Variants in NAA15 observed in about 807,000 individuals in gnomAD.
The protein encoded by NAA15 is N-alpha-acetyltransferase 15, NatA auxiliary subunit, also known as N-terminal acetyltransferase.
Under a neutral mutation model 114.0 loss-of-function variants are expected in NAA15, and 34 were observed. The ratio of observed to expected loss-of-function variants is 0.30; its 90% CI spans 0.23 to 0.40. The LOEUF is 0.40. Ranked by LOEUF, NAA15 falls within the 10% of genes least tolerant of loss-of-function variation. The probability of loss-of-function intolerance (pLI) is 1.00; values close to 1 mark genes in which losing one functional copy is unlikely to be tolerated. For missense variants in NAA15, 658 were observed against 1,004.5 expected (o/e 0.66, Z 4.66); for synonymous variants, 340 against 338.0 (o/e 1.01, Z -0.06).
chr4:139,332,375 C>T (rs566814025), intron 1 of NAA15, among the ~76,000 whole-genome samples: 6 of 151,806 alleles, frequency 4.0e-5, no homozygotes, highest in South Asian at 2.1e-4. Flanking sequence ...GTGATCTGCC[C>T]GCCTCGGCCT....
chr4:139,349,688 C>T (rs1203167851), intron 7 of NAA15, 107 bp downstream of exon 7: 14 of 1,210,588 alleles, frequency 1.2e-5, no homozygotes, highest in South Asian at 6.0e-5. Context: ...AGAATTGGTT[C>T]GAAATCTGAA....
At chr4:139,378,467 G>A (rs1439422152) in intron 16 of NAA15, among the ~76,000 whole-genome samples, 1 of 152,176 alleles carries the variant, frequency 6.6e-6, no homozygotes, top group Non-Finnish European at 1.5e-5. Flanking sequence ...AATAAAGGAA[G>A]TTAGGAAATG....
At chr4:139,312,397 A>G (rs992615603) in intron 1 of NAA15, among the ~76,000 whole-genome samples, 2 of 151,952 alleles carry the variant, frequency 1.3e-5, no homozygotes, top group East Asian at 3.9e-4. Flanking sequence ...TTTATGATAC[A>G]TGCTGTACAA....
chr4:139,363,940 G>A (rs1471833421), intron 14 of NAA15, among the ~76,000 whole-genome samples: 3 of 152,210 alleles, frequency 2.0e-5, no homozygotes, highest in Non-Finnish European at 4.4e-5. Flanking sequence ...GAGTCCACTA[G>A]TGCGATCATA....
chr4:139,310,816 A>G (rs1746198674), intron 1 of NAA15, among the ~76,000 whole-genome samples: 1 of 151,526 alleles, frequency 6.6e-6, no homozygotes, highest in Non-Finnish European at 1.5e-5. Flanking sequence ...GCGGGGTTTC[A>G]CCATGTTGGC....
chr4:139,378,158 A>G (rs924470069), intron 16 of NAA15, among the ~76,000 whole-genome samples: 2 of 152,236 alleles, frequency 1.3e-5, no homozygotes, highest in Non-Finnish European at 2.9e-5. Flanking sequence ...GGTTATAGAT[A>G]AAACTTGGAA....
At position 139,301,699 on chromosome 4, in the gene NAA15, C is replaced by G. The variant is rs2110799564; in HGVS notation, c.-79C>G. ...GAGATATTCAAGGCTGAAGCAGCTACGGAACGGCAGCGGCGGCGGTCGGAC... is the reference window on the plus strand; with the variant it reads ...GAGATATTCAAGGCTGAAGCAGCTAGGGAACGGCAGCGGCGGCGGTCGGAC... On this transcript the variant is annotated 5_prime_UTR_variant, in exon 1 of 20. Coordinates refer to ENST00000296543, the MANE Select transcript of NAA15 (RefSeq NM_057175.5). 1 of 1,493,128 alleles carries G rather than the reference C, an allele frequency of 6.7e-7. No individual in the cohort carries two copies. The highest frequency in any genetic ancestry group is 2.0e-5 in the Admixed American group (1 of 49,156). The allele number at this position is 1,493,128 out of a possible 1,614,324, so 92.5% of individuals were successfully genotyped here.
chr4:139,378,742 T>C lies in NAA15; in HGVS notation c.2057-14T>C, dbSNP rs1748659454. The C allele has an allele frequency of 2.0e-6, 3 of 1,507,506 alleles. No homozygotes were observed. Among genetic ancestry groups the C allele is most frequent in the Non-Finnish European group, 2.7e-6 (3 of 1,117,118 alleles). The allele number at this position is 1,507,506 out of a possible 1,614,324, so 93.4% of individuals were successfully genotyped here. ...TCCAATGATCAAAATATATCTTACT[T>C]TCTCTTTTTATAGAAAAGTTTCTTT... is the stretch of plus-strand genomic sequence containing the variant. On this transcript the variant is annotated splice_polypyrimidine_tract_variant and intron_variant, in intron 16 of 19. Coordinates refer to ENST00000296543, the MANE Select transcript of NAA15 (RefSeq NM_057175.5).
At chr4:139,329,036 AT>A (rs1294481724) in intron 1 of NAA15, among the ~76,000 whole-genome samples, 2,455 of 128,884 alleles carry the variant, frequency 0.019, 18 homozygotes, top group East Asian at 0.033. Context: ...TGCCTGGCTA[AT>A]TTTTTTTTTT....
In NAA15 at chr4:139,386,224, C is replaced by G. The variant is rs1748906721; in HGVS notation, c.2394C>G (p.Asn798Lys). ...TTLDESLTNR[N>K]LQTCMEVLEA... is the part of the protein sequence containing the mutation. ...TTGATGAATCTCTCACTAACAGAAA[C>G]CTCCAGGTAAAGAGTTTTTCATAAT... Residue 798 changes from asparagine (N) to lysine (K), a missense_variant, in exon 19 of 20, where the codon AAC becomes AAG. Asn to Lys is a moderately conservative substitution (Grantham distance 94). Transcript: ENST00000296543. 7 of 1,588,156 alleles carry G rather than the reference C, an allele frequency of 4.4e-6. No individual in the cohort carries two copies. The highest frequency in any genetic ancestry group is 5.2e-6 in the Non-Finnish European group (6 of 1,160,352).
Position 139,360,595 on chromosome 4 carries a change from T to G in NAA15, c.1506T>G (p.Gly502=), listed in dbSNP as rs764177132. 3 of 1,609,322 alleles carry G rather than the reference T, an allele frequency of 1.9e-6. No individual in the cohort carries two copies. Among genetic ancestry groups the G allele is most frequent in the African/African-American group, 1.3e-5 (1 of 74,676 alleles). ...AQAYKAMNKF[G]EALKKCHEIE... ...CTTATAAAGCAATGAATAAATTTGGTGAAGCACTTAAGAAATGTCATGAGA... is the reference window on the plus strand; with the variant it reads ...CTTATAAAGCAATGAATAAATTTGGGGAAGCACTTAAGAAATGTCATGAGA... Residue 502 remains glycine (G), a synonymous_variant, in exon 13 of 20, where the codon GGT becomes GGG. Transcript: ENST00000296543.
chr4:139,355,263 T>C (rs1747913375), intron 10 of NAA15, among the ~76,000 whole-genome samples: 1 of 152,246 alleles, frequency 6.6e-6, no homozygotes, highest in Non-Finnish European at 1.5e-5. Context: ...TTTTTGCCTT[T>C]CCTTTTTTGA....
At chr4:139,366,603 GT>G (rs56010406) in intron 14 of NAA15, among the ~76,000 whole-genome samples, 13 of 144,172 alleles carry the variant, frequency 9.0e-5, no homozygotes, top group Admixed American at 2.1e-4. Flanking sequence ...TCATTTTTGG[GT>G]TTTTTTTTTT....
At chr4:139,331,129 G>GT (rs1375924078) in intron 1 of NAA15, among the ~76,000 whole-genome samples, 1 of 151,760 alleles carries the variant, frequency 6.6e-6, no homozygotes, top group East Asian at 1.9e-4. Flanking sequence ...AAATTTTCAT[G>GT]TGAAAGCATA....
rs137983364 is a variant in NAA15, at chr4:139,332,279, C to T, written c.55-1895C>T. 2.6e-3 allele frequency among the ~76,000 whole-genome samples: 390 copies of T among 151,770 alleles called. 2 individuals carry two copies. Among genetic ancestry groups the T allele is most frequent in the African/African-American group, 8.2e-3 (340 of 41,388 alleles). ...CCAAGCAGCTAGGATTACAGGCGCC[C>T]GCCACCATGCCCAGCTAATTTTTGT... On this transcript the variant is annotated intron_variant, in intron 1 of 19. Coordinates refer to ENST00000296543, the MANE Select transcript of NAA15 (RefSeq NM_057175.5).
intron 6 of NAA15, among the ~76,000 whole-genome samples, chr4:139,345,278 A>G (rs1394257924): frequency 2.0e-5 from 3 of 152,316 alleles, no homozygotes; most frequent in African/African-American, 2.4e-5. Context: ...TTTCATTTGA[A>G]GTAGTCATTC....
At chr4:139,349,962 G>A (rs1284336108) in intron 7 of NAA15, among the ~76,000 whole-genome samples, 2 of 151,460 alleles carry the variant, frequency 1.3e-5, no homozygotes, top group Admixed American at 1.3e-4. Flanking sequence ...TTCCACCCTG[G>A]GCAACAGAGC....
At chr4:139,324,841 G>A (rs1396560396) in intron 1 of NAA15, among the ~76,000 whole-genome samples, 1 of 152,134 alleles carries the variant, frequency 6.6e-6, no homozygotes, top group Non-Finnish European at 1.5e-5. Flanking sequence ...GAAAAAAATT[G>A]AGATCTATTT....
intron 14 of NAA15, 27 bp from the exon 15 acceptor site, chr4:139,370,184 T>G (rs1260651461): frequency 6.9e-7 from 1 of 1,459,646 alleles, no homozygotes. Context: ...TGCTTGTTAA[T>G]TTTATTAATT....
Sources: gnomAD v4.1 joint callset for allele counts (sites outside exome capture counted in the v4.1 genomes callset) on GRCh38, gnomAD v4.1.1 for gene constraint, MANE v1.5 for transcripts, NCBI Gene and HGNC (gene_info 2026-07-23, HGNC 2026-07-21) for gene names.